LHFPL6: variants seen among roughly 807,000 people sequenced by gnomAD.
The protein encoded by LHFPL6 is LHFPL tetraspan subfamily member 6 protein.
Under a neutral mutation model 20.6 loss-of-function variants are expected in LHFPL6, and 9 were observed. That is an observed-to-expected ratio of 0.44 (90% CI 0.26 to 0.76). The LOEUF is 0.76. Among genes scored for constraint, LHFPL6 ranks in the 30% least tolerant of loss-of-function variants. The pLI, the probability that LHFPL6 is intolerant of heterozygous loss-of-function variation, is 0.20. For missense variants in LHFPL6, 218 were observed against 253.5 expected, an observed-to-expected ratio of 0.86 and a Z score of 0.95; for synonymous variants, 105 against 98.7, an observed-to-expected ratio of 1.06 and a Z score of -0.38.
chr13:39,369,607 C>CCCTCCTTCCTTCCT (rs1566095694), intron 3 of LHFPL6, among the ~76,000 whole-genome samples: 2 of 148,056 alleles, frequency 1.4e-5, no homozygotes, highest in African/African-American at 5.0e-5. Context: ...TCCTCCCTCT[C>CCCTCCTTCCTTCCT]TCCCTCCCTT....
chr13:39,399,605 TGGG>T (rs1373369707), intron 2 of LHFPL6, among the ~76,000 whole-genome samples: 1 of 152,168 alleles, frequency 6.6e-6, no homozygotes, highest in Non-Finnish European at 1.5e-5. Context: ...GGGAGAAGCA[TGGG>T]ACTTGAAAGG....
intron 2 of LHFPL6, among the ~76,000 whole-genome samples, chr13:39,446,996 C>A (rs1325000042): frequency 1.3e-5 from 2 of 152,150 alleles, no homozygotes; most frequent in African/African-American, 4.8e-5. Flanking sequence ...TCTAACCAAC[C>A]CAGTTAATTA....
intron 3 of LHFPL6, among the ~76,000 whole-genome samples, chr13:39,370,833 G>T (rs1870147089): frequency 6.6e-6 from 1 of 152,180 alleles, no homozygotes; most frequent in Non-Finnish European, 1.5e-5. Context: ...CCAATAGCAG[G>T]TTCTCTTGCT....
intron 2 of LHFPL6, among the ~76,000 whole-genome samples, chr13:39,386,568 A>G (rs1282956537): frequency 6.6e-6 from 1 of 152,146 alleles, no homozygotes; most frequent in Non-Finnish European, 1.5e-5. Flanking sequence ...ACATAAGTCC[A>G]CTCCACAGTC....
intron 2 of LHFPL6, among the ~76,000 whole-genome samples, chr13:39,469,718 G>C (rs1489389404): frequency 6.6e-6 from 1 of 152,182 alleles, no homozygotes; most frequent in Non-Finnish European, 1.5e-5. Flanking sequence ...AAGCTACATA[G>C]AGCTTCTCAA....
intron 2 of LHFPL6, among the ~76,000 whole-genome samples, chr13:39,582,376 C>T (rs1242182651): frequency 6.6e-6 from 1 of 152,178 alleles, no homozygotes; most frequent in African/African-American, 2.4e-5. Context: ...GAATTGTAGT[C>T]CAGTGAGACT....
intron 2 of LHFPL6, among the ~76,000 whole-genome samples, chr13:39,598,768 A>G (rs1051554012): frequency 6.6e-6 from 1 of 152,120 alleles, no homozygotes; most frequent in African/African-American, 2.4e-5. Context: ...CGTGTTAGCC[A>G]GGATGGTCTC....
At chr13:39,351,714 G>T (rs933213731) in intron 3 of LHFPL6, among the ~76,000 whole-genome samples, 1 of 152,260 alleles carries the variant, frequency 6.6e-6, no homozygotes, top group African/African-American at 2.4e-5. Flanking sequence ...TTAGGAGTAC[G>T]CACCCGTAAT....
At chr13:39,356,768 A>G (rs1869737724) in intron 3 of LHFPL6, among the ~76,000 whole-genome samples, 1 of 152,262 alleles carries the variant, frequency 6.6e-6, no homozygotes, top group African/African-American at 2.4e-5. Context: ...AATCTAGAGG[A>G]AATAGGTAAA....
chr13:39,550,304 T>C (rs923840726), intron 2 of LHFPL6, among the ~76,000 whole-genome samples: 3 of 152,118 alleles, frequency 2.0e-5, no homozygotes, highest in Non-Finnish European at 4.4e-5. Flanking sequence ...CTGGGAGTGA[T>C]GGATCCATGT....
intron 2 of LHFPL6, among the ~76,000 whole-genome samples, chr13:39,599,198 TA>T (rs1227482723): frequency 6.6e-6 from 1 of 152,114 alleles, no homozygotes; most frequent in Non-Finnish European, 1.5e-5. Flanking sequence ...GGCCCTGCCC[TA>T]AAATGAAGGA....
chr13:39,549,930 T>A (rs1871098541), intron 2 of LHFPL6, among the ~76,000 whole-genome samples: 1 of 152,014 alleles, frequency 6.6e-6, no homozygotes, highest in Non-Finnish European at 1.5e-5. Context: ...TAAGGCTACA[T>A]TAGACACAGA....
intron 2 of LHFPL6, among the ~76,000 whole-genome samples, chr13:39,456,292 G>T (rs1205056850): frequency 6.6e-6 from 1 of 152,142 alleles, no homozygotes; most frequent in African/African-American, 2.4e-5. Context: ...TCAAGGATTT[G>T]ACTTTACTCC....
At chr13:39,500,584 C>T (rs1869259683) in intron 2 of LHFPL6, among the ~76,000 whole-genome samples, 1 of 152,090 alleles carries the variant, frequency 6.6e-6, no homozygotes, top group African/African-American at 2.4e-5. Context: ...CTACTTCCAT[C>T]GGCACTAGCT....
intron 3 of LHFPL6, among the ~76,000 whole-genome samples, chr13:39,367,523 G>A (rs1472898792): frequency 1.3e-5 from 2 of 152,282 alleles, no homozygotes; most frequent in Non-Finnish European, 1.5e-5. Context: ...ATGAAATCAA[G>A]TCAAAGGGGT....
At chr13:39,528,958 T>C (rs970940194) in intron 2 of LHFPL6, among the ~76,000 whole-genome samples, 2 of 152,208 alleles carry the variant, frequency 1.3e-5, no homozygotes, top group South Asian at 2.1e-4. Context: ...GACAGAAAGA[T>C]GGTTAAGGCA....
intron 2 of LHFPL6, among the ~76,000 whole-genome samples, chr13:39,544,294 T>C (rs1351778958): frequency 6.6e-6 from 1 of 152,204 alleles, no homozygotes; most frequent in Non-Finnish European, 1.5e-5. Context: ...TATATAATTT[T>C]TTGCAGTTCT....
At chr13:39,459,574 A>G (rs1872645017) in intron 2 of LHFPL6, among the ~76,000 whole-genome samples, 1 of 152,130 alleles carries the variant, frequency 6.6e-6, no homozygotes, top group South Asian at 2.1e-4. Flanking sequence ...TCTATCCTCC[A>G]ATATTAGTCC....
chr13:39,534,350 CA>C (rs1386206777), intron 2 of LHFPL6, among the ~76,000 whole-genome samples: 145 of 152,270 alleles, frequency 9.5e-4, no homozygotes, highest in African/African-American at 3.0e-3. Context: ...AGCCATTTTG[CA>C]TAGTACCTAG....
Sources: gnomAD v4.1 joint callset for allele counts (sites outside exome capture counted in the v4.1 genomes callset) on GRCh38, gnomAD v4.1.1 for gene constraint, MANE v1.5 for transcripts, NCBI Gene and HGNC (gene_info 2026-07-23, HGNC 2026-07-21) for gene names.